Variants in BIRC6 observed in about 807,000 individuals in gnomAD.
The protein encoded by BIRC6 is baculoviral IAP repeat containing 6.
Under a neutral mutation model 503.3 loss-of-function variants are expected in BIRC6, and 98 were observed. That is an observed-to-expected ratio of 0.19 (90% CI 0.17 to 0.23). The LOEUF is 0.23. BIRC6 is among the 10% of genes least tolerant of loss of function. The pLI is 1.00. For synonymous variants in BIRC6, 2,240 were observed against 2,078.7 expected (o/e 1.08, Z -2.11); for missense variants, 5,360 against 5,806.0 (o/e 0.92, Z 2.50).
intron 68 of BIRC6, among the ~76,000 whole-genome samples, chr2:32,597,342 T>A (rs990645542): frequency 1.3e-5 from 2 of 152,226 alleles, no homozygotes; most frequent in African/African-American, 4.8e-5. Context: ...GAGAAATGAT[T>A]GATTAAAACA....
At chr2:32,362,782 G>A (rs2034321875) in intron 1 of BIRC6, among the ~76,000 whole-genome samples, 2 of 151,498 alleles carry the variant, frequency 1.3e-5, no homozygotes, top group Admixed American at 6.6e-5. Context: ...AGATCCCAGT[G>A]TCTTAAAAAT....
At chr2:32,413,992 A>T (rs573720514) in intron 9 of BIRC6, among the ~76,000 whole-genome samples, 44 of 152,310 alleles carry the variant, frequency 2.9e-4, no homozygotes, top group East Asian at 5.8e-4. Context: ...ATCCATTTTT[A>T]AAAAAAGAAA....
intron 65 of BIRC6, among the ~76,000 whole-genome samples, chr2:32,569,765 T>C (rs941144557): frequency 3.7e-4 from 56 of 152,122 alleles, no homozygotes; most frequent in African/African-American, 1.3e-3. Flanking sequence ...ACATTACTGG[T>C]TTTCATATAT....
At chr2:32,414,274 T>C (rs2042193286) in intron 9 of BIRC6, among the ~76,000 whole-genome samples, 1 of 152,166 alleles carries the variant, frequency 6.6e-6, no homozygotes, top group Non-Finnish European at 1.5e-5. Context: ...CAAAACTCCA[T>C]CTCCAGAAAA....
intron 14 of BIRC6, among the ~76,000 whole-genome samples, 187 bp downstream of exon 14, chr2:32,435,772 C>T (rs769352888): frequency 3.3e-5 from 5 of 152,184 alleles, no homozygotes; most frequent in South Asian, 2.1e-4. Flanking sequence ...ACCACAGCTG[C>T]GCTAATGCAT....
At chr2:32,594,173 C>A in intron 67 of BIRC6, 113 bp downstream of exon 67, 2 of 1,207,450 alleles carry the variant, frequency 1.7e-6, no homozygotes, top group Non-Finnish European at 2.3e-6. Flanking sequence ...AAAGCAAGTT[C>A]ATTTACCTAA....
intron 1 of BIRC6, among the ~76,000 whole-genome samples, chr2:32,362,021 T>A (rs1312897053): frequency 1.3e-5 from 2 of 152,212 alleles, no homozygotes; most frequent in Non-Finnish European, 2.9e-5. Context: ...TGTGTAGACA[T>A]AAGTTTTCAA....
intron 62 of BIRC6, among the ~76,000 whole-genome samples, chr2:32,545,058 A>T (rs955921610): frequency 6.6e-6 from 1 of 152,174 alleles, no homozygotes; most frequent in Non-Finnish European, 1.5e-5. Context: ...AAAGGAAAAA[A>T]AAATGGCTTT....
rs772142371 is a variant in BIRC6, at chr2:32,510,588, A to G, written c.10300A>G (p.Ile3434Val). 3.1e-6 allele frequency: 5 copies of G among 1,610,078 alleles called. No homozygotes were observed. Among genetic ancestry groups the G allele is most frequent in the Non-Finnish European group, 4.2e-6 (5 of 1,176,554 alleles). ...NGLSSDSTIDILYQLGTTQDP... is the reference protein window; with the variant it reads ...NGLSSDSTIDVLYQLGTTQDP... The stretch of plus-strand genomic sequence containing the variant: ...ACTCTCTTCTGACTCTACGATAGAT[A>G]TTCTTTACCAGCTTGGAACAACTCA... Residue 3434 changes from isoleucine to valine, a missense_variant, in exon 53 of 74, where the codon ATT becomes GTT. By Grantham distance (29) the Ile-to-Val change is conservative. Transcript: ENST00000421745.
At chr2:32,466,408 A>C (rs1009052350) in intron 26 of BIRC6, among the ~76,000 whole-genome samples, 2 of 152,230 alleles carry the variant, frequency 1.3e-5, no homozygotes, top group African/African-American at 4.8e-5. Flanking sequence ...GGATATGTCT[A>C]TACTGGGAAA....
chr2:32,417,656 G>A (rs1574065190), intron 10 of BIRC6, among the ~76,000 whole-genome samples: 3 of 152,314 alleles, frequency 2.0e-5, no homozygotes, highest in East Asian at 3.9e-4. Context: ...CTGTGGTTCT[G>A]ATAGTAATTA....
intron 16 of BIRC6, among the ~76,000 whole-genome samples, chr2:32,440,754 A>AT (rs777760930): frequency 1.1e-4 from 15 of 130,476 alleles, no homozygotes; most frequent in South Asian, 7.0e-4. Flanking sequence ...TTATTTATTT[A>AT]TTATTATTAT....
At chr2:32,543,813 G>A (rs2057853170) in intron 62 of BIRC6, among the ~76,000 whole-genome samples, 1 of 152,172 alleles carries the variant, frequency 6.6e-6, no homozygotes, top group African/African-American at 2.4e-5. Flanking sequence ...GTTATTTAGA[G>A]CTACCCCCAA....
At chr2:32,440,751 T>TTATTATTATTATTATTATTATTA (rs1553429507) in intron 16 of BIRC6, among the ~76,000 whole-genome samples, 1 of 147,150 alleles carries the variant, frequency 6.8e-6, no homozygotes, top group African/African-American at 2.5e-5. Flanking sequence ...TGTTTATTTA[T>TTATTATTATTATTATTATTATTA]TTATTATTAT....
In BIRC6 at chr2:32,617,718, T is replaced by G; in HGVS notation, c.14395-7T>G. The G allele has an allele frequency of 3.7e-6, 6 of 1,612,228 alleles. No homozygotes were observed. Among genetic ancestry groups the G allele is most frequent in the Non-Finnish European group, 5.1e-6 (6 of 1,178,880 alleles). On this transcript the variant is annotated splice_region_variant and splice_polypyrimidine_tract_variant and intron_variant, in intron 73 of 73. Coordinates refer to ENST00000421745, the MANE Select transcript of BIRC6 (RefSeq NM_016252.4). ...AGTTCTAACATTAGTCCTTTTCTCC[T>G]GCATAGCGTCACACTGCTCAGCTCC...
rs769832270 is a variant in BIRC6, at chr2:32,401,196, A to G, written c.1068A>G (p.Pro356=). 5.0e-6 allele frequency: 8 copies of G among 1,613,920 alleles called. No individual in the cohort carries two copies. In the African/African-American group the frequency reaches 6.7e-5, roughly 13 times the overall value. The change falls in exon 7 of 74, where the codon CCA becomes CCG. Residue 356 remains proline (P), a synonymous_variant. Coordinates refer to ENST00000421745, the MANE Select transcript of BIRC6 (RefSeq NM_016252.4). ...SEHERHSPNC[P]FVKGEHTQNV... ...ACGAAAGACATTCCCCAAACTGCCC[A>G]TTTGTGAAAGGTGAGCACACACAGA...
intron 72 of BIRC6, among the ~76,000 whole-genome samples, chr2:32,610,459 T>G (rs1411052254): frequency 1.3e-5 from 2 of 152,328 alleles, no homozygotes; most frequent in East Asian, 3.9e-4. Flanking sequence ...ATCTATAAAT[T>G]AAACAGAAGA....
In BIRC6 at chr2:32,502,877, C is replaced by T. The variant is rs1197250805; in HGVS notation, c.9290C>T (p.Ala3097Val). 6.2e-7 allele frequency: 1 copy of T among 1,608,818 alleles called. No individual in the cohort carries two copies. Among genetic ancestry groups the T allele is most frequent in the East Asian group, 2.2e-5 (1 of 44,774 alleles). The change falls in exon 48 of 74, where the codon GCA (alanine) becomes GTA (valine). Residue 3097 changes from alanine (A) to valine (V), a missense_variant. Physicochemically the swap from Ala to Val is moderately conservative, Grantham distance 64. Transcript: ENST00000421745. ...RVLDTSDALK[A>V]FHDMGGVQLI... ...TTGGATACTAGTGATGCCTTGAAAG[C>T]ATTTCATGATATGGGTAAGATAATA...
intron 6 of BIRC6, among the ~76,000 whole-genome samples, chr2:32,399,234 C>T (rs114771513): frequency 0.056 from 8,457 of 152,076 alleles, 320 homozygotes; most frequent in East Asian, 0.13. Context: ...TACAGGTGTG[C>T]GCCACAATGC....
Sources: gnomAD v4.1 joint callset for allele counts (sites outside exome capture counted in the v4.1 genomes callset) on GRCh38, gnomAD v4.1.1 for gene constraint, MANE v1.5 for transcripts, NCBI Gene and HGNC (gene_info 2026-07-23, HGNC 2026-07-21) for gene names.